The following DLG2 variants were observed in gnomAD, a reference collection of about 807,000 sequenced individuals.
The protein encoded by DLG2 is disks large homolog 2.
In DLG2, 45 loss-of-function variants were observed where a neutral mutation model predicts 132.5. The ratio of observed to expected loss-of-function variants is 0.34; its 90% CI spans 0.27 to 0.44. The LOEUF (loss-of-function observed/expected upper bound fraction) is 0.44. DLG2 is among the 20% of genes least tolerant of loss of function. The pLI is 1.00. For missense variants in DLG2, 1,045 were observed against 1,196.9 expected (o/e 0.87, Z 1.87); for synonymous variants, 424 against 419.6 (o/e 1.01, Z -0.13).
At chr11:83,486,527 G>A (rs2093520007) in intron 21 of DLG2, among the ~76,000 whole-genome samples, 1 of 152,064 alleles carries the variant, frequency 6.6e-6, no homozygotes, top group African/African-American at 2.4e-5. Context: ...ATATGAAAAT[G>A]TGTTATCTGT....
At chr11:84,954,425 C>A (rs530703386) in intron 6 of DLG2, among the ~76,000 whole-genome samples, 26 of 151,926 alleles carry the variant, frequency 1.7e-4, no homozygotes, top group African/African-American at 5.8e-4. Context: ...GAATTTCCAG[C>A]CACAGCTAAT....
Position 85,070,775 on chromosome 11 carries a change from C to G in DLG2, c.357+40886G>C, listed in dbSNP as rs2065736448. On this transcript the variant is annotated intron_variant, in intron 6 of 27. Coordinates refer to ENST00000376104, the MANE Select transcript of DLG2 (RefSeq NM_001142699.3). The stretch of plus-strand genomic sequence containing the variant: ...TCCCACCTTTTTCACAGAGCCTGTT[C>G]TGACTACTCTAGCCCAAGCCATCTT... Among the ~76,000 whole-genome samples the G allele has an allele frequency of 2.6e-5, 4 of 151,938 alleles. 1 individual carries two copies. The South Asian group carries it at 8.3e-4, about 31-fold the overall frequency.
At chr11:85,320,469 A>G (rs2080984189) in intron 3 of DLG2, among the ~76,000 whole-genome samples, 1 of 151,948 alleles carries the variant, frequency 6.6e-6, no homozygotes, top group Non-Finnish European at 1.5e-5. Context: ...CACAGGAATT[A>G]CAGAAGAGAA....
In DLG2 at chr11:83,913,112, T is replaced by G. The variant is rs568705498; in HGVS notation, c.1496+17216A>C. ...AACATCCCTTAACTTCTCTCTCATT[T>G]TAATCATGTTAATAAATTAACATAT... On this transcript the variant is annotated intron_variant, in intron 15 of 27. Transcript: ENST00000376104. Among the ~76,000 whole-genome samples, 8 of 152,276 alleles carry G rather than the reference T, an allele frequency of 5.3e-5. No individual in the cohort carries two copies. The South Asian group carries it at 1.7e-3, about 32-fold the overall frequency.
intron 19 of DLG2, among the ~76,000 whole-genome samples, chr11:83,572,637 A>G: frequency 6.6e-6 from 1 of 152,188 alleles, no homozygotes; most frequent in Admixed American, 6.6e-5. Context: ...GGTCTATGGA[A>G]AACTCTAGTC....
chr11:84,525,643 G>A lies in DLG2; in HGVS notation c.519+8927C>T, dbSNP rs541798500. Among the ~76,000 whole-genome samples, 60 of 152,062 alleles carry A rather than the reference G, an allele frequency of 3.9e-4. 1 individual carries two copies. Among genetic ancestry groups the A allele is most frequent in the Middle Eastern group, 6.8e-3 (2 of 294 alleles). ...CACTGTACCACATGACATGAATAAC[G>A]GTCTAATTTGCATATCAGGTCATGT... On this transcript the variant is annotated intron_variant, in intron 7 of 27. Coordinates refer to ENST00000376104, the MANE Select transcript of DLG2 (RefSeq NM_001142699.3).
intron 6 of DLG2, among the ~76,000 whole-genome samples, chr11:84,697,876 C>T (rs2058782436): frequency 2.0e-5 from 3 of 151,274 alleles, no homozygotes; most frequent in Admixed American, 2.0e-4. Context: ...GACCTAGCAC[C>T]ATTGAAAAGC....
intron 18 of DLG2, among the ~76,000 whole-genome samples, chr11:83,642,335 C>T (rs1280901978): frequency 6.6e-6 from 1 of 152,162 alleles, no homozygotes; most frequent in African/African-American, 2.4e-5. Context: ...TTTAATAACA[C>T]ACTGAATTAA....
chr11:84,718,479 G>A (rs950356296), intron 6 of DLG2, among the ~76,000 whole-genome samples: 3 of 152,078 alleles, frequency 2.0e-5, no homozygotes, highest in African/African-American at 7.2e-5. Flanking sequence ...TGGTTTGAAA[G>A]TTAGGGGAAA....
chr11:85,517,239 T>G (rs1210521330), intron 3 of DLG2, among the ~76,000 whole-genome samples: 1 of 150,834 alleles, frequency 6.6e-6, no homozygotes, highest in Non-Finnish European at 1.5e-5. Flanking sequence ...TATCATGATT[T>G]AAAAAAAAAC....
At chr11:84,350,072 G>A (rs556439039) in intron 7 of DLG2, among the ~76,000 whole-genome samples, 33 of 151,672 alleles carry the variant, frequency 2.2e-4, no homozygotes, top group Middle Eastern at 3.4e-3. Flanking sequence ...CAGCTGCTCG[G>A]GAGGCTGAGG....
At chr11:83,999,097 A>G (rs1029892990) in intron 11 of DLG2, among the ~76,000 whole-genome samples, 1 of 152,116 alleles carries the variant, frequency 6.6e-6, no homozygotes, top group African/African-American at 2.4e-5. Context: ...ACTACCAGTC[A>G]CACCTGAGCA....
intron 19 of DLG2, among the ~76,000 whole-genome samples, chr11:83,580,342 T>G (rs1015562976): frequency 7.1e-6 from 1 of 141,202 alleles, no homozygotes; most frequent in Non-Finnish European, 1.5e-5. Context: ...CCTAAAACCA[T>G]AGATGCCACA....
intron 15 of DLG2, among the ~76,000 whole-genome samples, chr11:83,900,602 G>A (rs2073142394): frequency 6.6e-6 from 1 of 152,208 alleles, no homozygotes; most frequent in Non-Finnish European, 1.5e-5. Flanking sequence ...ATGTTGTACT[G>A]AGCCTGTGAG....
chr11:83,691,741 C>T (rs1267075837), intron 18 of DLG2, among the ~76,000 whole-genome samples: 3 of 152,142 alleles, frequency 2.0e-5, no homozygotes, highest in Admixed American at 1.3e-4. Flanking sequence ...TTCTCATTCT[C>T]ATTGTAGCAG....
chr11:84,923,189 C>T, intron 6 of DLG2: 1 of 1,609,318 alleles, frequency 6.2e-7, no homozygotes, highest in Middle Eastern at 1.9e-4. Flanking sequence ...ACACACGATC[C>T]TGGGCATGTG....
chr11:84,056,479 G>A (rs1373092171), intron 11 of DLG2, among the ~76,000 whole-genome samples: 3 of 152,110 alleles, frequency 2.0e-5, no homozygotes, highest in Non-Finnish European at 2.9e-5. Flanking sequence ...TTGCATTAAA[G>A]GTAGTTGACT....
chr11:85,121,694 A>C (rs1407960177), intron 5 of DLG2, among the ~76,000 whole-genome samples: 3 of 152,120 alleles, frequency 2.0e-5, no homozygotes, highest in African/African-American at 7.2e-5. Flanking sequence ...TTTATACAAA[A>C]ATGACACTTC....
chr11:85,413,421 A>G (rs914398139), intron 3 of DLG2, among the ~76,000 whole-genome samples: 1 of 151,738 alleles, frequency 6.6e-6, no homozygotes, highest in Non-Finnish European at 1.5e-5. Context: ...AGCCCCAGCT[A>G]TTTATCTTTG....
Sources: gnomAD v4.1 joint callset for allele counts (sites outside exome capture counted in the v4.1 genomes callset) on GRCh38, gnomAD v4.1.1 for gene constraint, MANE v1.5 for transcripts, NCBI Gene and HGNC (gene_info 2026-07-23, HGNC 2026-07-21) for gene names.